The following RAB11FIP4 variants were observed in gnomAD, a reference collection of about 807,000 sequenced individuals.
RAB11FIP4 encodes RAB11 family interacting protein 4, also known as rab11 family-interacting protein 4.
RAB11FIP4 carries 23 observed loss-of-function variants against 74.3 expected under a neutral mutation model. That is an observed-to-expected ratio of 0.31 (90% CI 0.22 to 0.44). The LOEUF (loss-of-function observed/expected upper bound fraction) is 0.44. Among genes scored for constraint, RAB11FIP4 ranks in the 20% least tolerant of loss-of-function variants. The probability of loss-of-function intolerance (pLI) is 1.00; values close to 1 mark genes in which losing one functional copy is unlikely to be tolerated. For synonymous variants in RAB11FIP4, 360 were observed against 359.9 expected, an observed-to-expected ratio of 1.00 and a Z score of 0.00; for missense variants, 630 against 863.9, an observed-to-expected ratio of 0.73 and a Z score of 3.39.
intron 3 of RAB11FIP4, among the ~76,000 whole-genome samples, chr17:31,495,663 G>A (rs187960178): frequency 2.0e-3 from 299 of 152,294 alleles, no homozygotes; most frequent in Non-Finnish European, 3.1e-3. Context: ...TGCTTGACTC[G>A]TCTGACTGAT....
intron 3 of RAB11FIP4, among the ~76,000 whole-genome samples, chr17:31,436,611 G>T (rs2071359408): frequency 6.6e-6 from 1 of 152,088 alleles, no homozygotes; most frequent in South Asian, 2.1e-4. Context: ...AACCGATATT[G>T]CTTTCCTCCA....
intron 3 of RAB11FIP4, among the ~76,000 whole-genome samples, chr17:31,515,830 C>G (rs2072535803): frequency 6.6e-6 from 1 of 152,186 alleles, no homozygotes; most frequent in Non-Finnish European, 1.5e-5. Flanking sequence ...AGAGCTGCCC[C>G]TCGGTCTAGG....
intron 1 of RAB11FIP4, among the ~76,000 whole-genome samples, chr17:31,395,898 T>A (rs2070924439): frequency 1.3e-5 from 2 of 152,066 alleles, no homozygotes; most frequent in Non-Finnish European, 2.9e-5. Flanking sequence ...GAGGAGACAA[T>A]GGGCCGGGCG....
At chr17:31,418,822 A>G (rs762144528) in intron 1 of RAB11FIP4, among the ~76,000 whole-genome samples, 5 of 152,170 alleles carry the variant, frequency 3.3e-5, no homozygotes, top group Non-Finnish European at 5.9e-5. Flanking sequence ...CTTTACATAC[A>G]GTAAAATTCG....
intron 1 of RAB11FIP4, among the ~76,000 whole-genome samples, chr17:31,426,783 G>C (rs1248089792): frequency 6.6e-6 from 1 of 151,828 alleles, no homozygotes; most frequent in Non-Finnish European, 1.5e-5. Flanking sequence ...TGTATTTTTA[G>C]TAGAGACGGG....
intron 3 of RAB11FIP4, among the ~76,000 whole-genome samples, chr17:31,458,779 T>C (rs2071605524): frequency 6.6e-6 from 1 of 152,242 alleles, no homozygotes. Flanking sequence ...TGGACTGGCC[T>C]TGTGGGTCAC....
chr17:31,506,493 C>T (rs77099771), intron 3 of RAB11FIP4, among the ~76,000 whole-genome samples: 4,262 of 152,220 alleles, frequency 0.028, 174 homozygotes, highest in African/African-American at 0.098. Flanking sequence ...TTAGTCCTCC[C>T]ATCTGACTAT....
chr17:31,466,225 G>A (rs2071685066), intron 3 of RAB11FIP4, among the ~76,000 whole-genome samples: 1 of 152,086 alleles, frequency 6.6e-6, no homozygotes, highest in African/African-American at 2.4e-5. Flanking sequence ...GAGGACAGTG[G>A]GTCCCAGGGG....
intron 3 of RAB11FIP4, among the ~76,000 whole-genome samples, chr17:31,497,547 T>C (rs1195610861): frequency 6.6e-6 from 1 of 152,004 alleles, no homozygotes; most frequent in African/African-American, 2.4e-5. Flanking sequence ...ATGGCTGGGC[T>C]GCAGTGGGGT....
chr17:31,500,058 A>T (rs2072189671), intron 3 of RAB11FIP4, among the ~76,000 whole-genome samples: 1 of 152,196 alleles, frequency 6.6e-6, no homozygotes, highest in Non-Finnish European at 1.5e-5. Flanking sequence ...AGGGTAGGCT[A>T]GATAGCCTCT....
At position 31,521,071 on chromosome 17, in the gene RAB11FIP4, C is replaced by T. The variant is rs562606395; in HGVS notation, c.564-95C>T. On this transcript the variant is annotated intron_variant, in intron 4 of 14. Coordinates refer to ENST00000621161, the MANE Select transcript of RAB11FIP4 (RefSeq NM_032932.6). ...AGAGCTACAAACTTAATCGGTAGTG[C>T]CAATTAAAGGGAAATGCCTGTCAGT... 3 of 969,110 alleles carry T rather than the reference C, an allele frequency of 3.1e-6. No homozygotes were observed. The East Asian group carries it at 7.9e-5, about 25-fold the overall frequency. 60.0% of individuals were successfully genotyped at this position (969,110 alleles called of 1,614,324 possible). A position where few individuals can be genotyped will look rare whatever the true frequency, so the allele number is the denominator to read the frequency against.
intron 8 of RAB11FIP4, 106 bp from the exon 9 acceptor site, chr17:31,523,787 G>T: frequency 1.9e-6 from 2 of 1,028,432 alleles, no homozygotes; most frequent in Non-Finnish European, 3.0e-6. Context: ...ACCGTTCTCA[G>T]ATACACAGTG....
chr17:31,447,504 C>A (rs573946020), intron 3 of RAB11FIP4, among the ~76,000 whole-genome samples: 1 of 152,258 alleles, frequency 6.6e-6, no homozygotes, highest in East Asian at 1.9e-4. Context: ...AGACTTTTAT[C>A]AATTTTATTT....
In RAB11FIP4 at chr17:31,530,572, C is replaced by T; in HGVS notation, c.1797+103C>T. Reference sequence around the variant, plus strand: ...GTGAGAAAACCAGACCAGGGCCTGGCAGAGAGTCCCATCTACAGCTACCCC... The same window carrying T: ...GTGAGAAAACCAGACCAGGGCCTGGTAGAGAGTCCCATCTACAGCTACCCC... On this transcript the variant is annotated intron_variant, in intron 14 of 14. Coordinates refer to ENST00000621161, the MANE Select transcript of RAB11FIP4 (RefSeq NM_032932.6). 7 of 1,425,008 alleles carry T rather than the reference C, an allele frequency of 4.9e-6. No individual in the cohort carries two copies. The South Asian group carries it at 8.9e-5, about 18-fold the overall frequency. 88.3% of individuals were successfully genotyped at this position (1,425,008 alleles called of 1,614,324 possible).
chr17:31,403,718 C>A lies in RAB11FIP4; in HGVS notation c.159+11707C>A, dbSNP rs116769567. Among the ~76,000 whole-genome samples the A allele has an allele frequency of 9.3e-3, 1,420 of 152,300 alleles. 19 individuals are homozygous for A. Among genetic ancestry groups the A allele is most frequent in the African/African-American group, 0.033 (1,358 of 41,562 alleles). On this transcript the variant is annotated intron_variant, in intron 1 of 14. Transcript: ENST00000621161. ...CCAGGGTCTTGAGTAACTGGTGGAG[C>A]TGGGATTAGAACCCAGGTCTGTCAG...
chr17:31,411,135 G>A (rs372279766), intron 1 of RAB11FIP4, among the ~76,000 whole-genome samples: 9 of 152,182 alleles, frequency 5.9e-5, no homozygotes, highest in East Asian at 5.8e-4. Context: ...AGGCCGAGGC[G>A]GGTGGATTCC....
intron 3 of RAB11FIP4, among the ~76,000 whole-genome samples, chr17:31,447,826 G>A (rs1484860894): frequency 6.7e-6 from 1 of 149,568 alleles, no homozygotes; most frequent in East Asian, 2.0e-4. Flanking sequence ...CCCAACTGCT[G>A]TATTTTATTT....
intron 3 of RAB11FIP4, among the ~76,000 whole-genome samples, chr17:31,494,900 A>G (rs1234483794): frequency 6.6e-6 from 1 of 152,254 alleles, no homozygotes; most frequent in South Asian, 2.1e-4. Context: ...CCGAGGTAAC[A>G]GACTTCTCCC....
intron 3 of RAB11FIP4, among the ~76,000 whole-genome samples, chr17:31,491,106 A>C (rs2142752703): frequency 6.6e-6 from 1 of 152,394 alleles, no homozygotes; most frequent in Non-Finnish European, 1.5e-5. Flanking sequence ...ATTAGGCACC[A>C]CAAGACAGGC....
Sources: allele counts gnomAD v4.1 joint callset (sites outside exome capture counted in the v4.1 genomes callset), GRCh38; gene constraint gnomAD v4.1.1; transcripts MANE v1.5; gene names NCBI Gene and HGNC (gene_info 2026-07-23, HGNC 2026-07-21).